Variants in JAZF1 observed in about 807,000 individuals in gnomAD.
JAZF1 encodes JAZF zinc finger 1.
In JAZF1, 8 loss-of-function variants were observed where a neutral mutation model predicts 26.4. That is an observed-to-expected ratio of 0.30 (90% confidence interval 0.18 to 0.55). JAZF1 has a LOEUF of 0.55. JAZF1 is among the 20% of genes least tolerant of loss of function. The pLI, the probability that JAZF1 is intolerant of heterozygous loss-of-function variation, is 0.94. For synonymous variants in JAZF1, 126 were observed against 122.3 expected (o/e 1.03, Z -0.20); for missense variants, 199 against 322.0 (o/e 0.62, Z 2.92).
intron 2 of JAZF1, among the ~76,000 whole-genome samples, chr7:27,913,197 T>TA (rs886896936): frequency 2.7e-5 from 4 of 150,036 alleles, no homozygotes; most frequent in East Asian, 2.0e-4. Flanking sequence ...CAGCATACAT[T>TA]AAAAAAAAAT....
At chr7:27,954,334 C>T (rs1785053676) in intron 2 of JAZF1, among the ~76,000 whole-genome samples, 1 of 152,158 alleles carries the variant, frequency 6.6e-6, no homozygotes, top group Admixed American at 6.5e-5. Flanking sequence ...AAGATGGCCC[C>T]TGGAAGCTCA....
intron 1 of JAZF1, among the ~76,000 whole-genome samples, chr7:28,155,357 C>T (rs1783166283): frequency 6.6e-6 from 1 of 152,168 alleles, no homozygotes. Context: ...ATCAGTCAAA[C>T]CAAATAATTC....
chr7:28,070,622 A>G (rs1433073967), intron 1 of JAZF1, among the ~76,000 whole-genome samples: 1 of 152,356 alleles, frequency 6.6e-6, no homozygotes, highest in East Asian at 1.9e-4. Flanking sequence ...TTTACAAATC[A>G]TCTAGCTCTT....
At chr7:28,163,000 A>T (rs1783315723) in intron 1 of JAZF1, among the ~76,000 whole-genome samples, 2 of 152,252 alleles carry the variant, frequency 1.3e-5, no homozygotes, top group South Asian at 4.1e-4. Flanking sequence ...ATGCAGAGCC[A>T]TGGATCATGT....
chr7:28,109,052 G>A (rs953017630), intron 1 of JAZF1, among the ~76,000 whole-genome samples: 2 of 152,202 alleles, frequency 1.3e-5, no homozygotes, highest in African/African-American at 4.8e-5. Context: ...GGGGCTGGGG[G>A]TGGATGGCTG....
rs554135746 is a variant in JAZF1, at chr7:28,083,543, G to A, written c.116-91562C>T. Among the ~76,000 whole-genome samples the A allele has an allele frequency of 1.5e-3, 229 of 152,164 alleles. 1 individual carries two copies. Among genetic ancestry groups the A allele is most frequent in the African/African-American group, 5.4e-3 (224 of 41,518 alleles). On this transcript the variant is annotated intron_variant, in intron 1 of 4. Transcript: ENST00000283928. ...GCTGTTTGCAAAGCTGTAAGAGCAC[G>A]ACCAACCACTTACTTCACAGGGTTG...
At chr7:28,175,129 C>T (rs890822920) in intron 1 of JAZF1, among the ~76,000 whole-genome samples, 3 of 152,154 alleles carry the variant, frequency 2.0e-5, no homozygotes, top group South Asian at 2.1e-4. Flanking sequence ...TGTTGGAAGC[C>T]GCTGGCTTTG....
At chr7:27,885,738 G>A (rs1328230253) in intron 3 of JAZF1, among the ~76,000 whole-genome samples, 1 of 151,930 alleles carries the variant, frequency 6.6e-6, no homozygotes, top group Non-Finnish European at 1.5e-5. Context: ...ATTCTGACAA[G>A]AAAATGACCC....
rs569982571 is a variant in JAZF1 at position 28,055,811 on chromosome 7, T to C, written c.116-63830A>G. On this transcript the variant is annotated intron_variant, in intron 1 of 4. Transcript: ENST00000283928. ...ACACACTGTGCTTTAATACAGATCA[T>C]TTCTATTCCTGAAAACACCAAAGCA... Among the ~76,000 whole-genome samples the C allele has an allele frequency of 3.9e-5, 6 of 152,298 alleles. No individual in the cohort carries two copies. In the East Asian group the frequency reaches 7.7e-4, roughly 20 times the overall value.
chr7:28,155,248 T>C (rs1391274549), intron 1 of JAZF1, among the ~76,000 whole-genome samples: 2 of 152,184 alleles, frequency 1.3e-5, no homozygotes, highest in Non-Finnish European at 2.9e-5. Context: ...TTTCAGGGCA[T>C]GAAAGAGACT....
At chr7:28,092,331 T>TAATGTCAAAGTAGAGGAAG (rs1362709765) in intron 1 of JAZF1, among the ~76,000 whole-genome samples, 1 of 44,314 alleles carries the variant, frequency 2.3e-5, no homozygotes, top group Non-Finnish European at 4.8e-5. Context: ...AAAAAACAAC[T>TAATGTCAAAGTAGAGGAAG]AATGTCAAAG....
chr7:28,040,608 C>T (rs1270941440), intron 1 of JAZF1, among the ~76,000 whole-genome samples: 1 of 152,076 alleles, frequency 6.6e-6, no homozygotes, highest in African/African-American at 2.4e-5. Flanking sequence ...AGGAAGGCAG[C>T]CATAGAGTCT....
chr7:27,942,088 G>A (rs1784856546), intron 2 of JAZF1, among the ~76,000 whole-genome samples: 1 of 152,230 alleles, frequency 6.6e-6, no homozygotes, highest in Non-Finnish European at 1.5e-5. Context: ...GGTAACAAAT[G>A]TAGAAACACC....
chr7:28,138,001 G>GT (rs1782910343), intron 1 of JAZF1, among the ~76,000 whole-genome samples: 1 of 152,158 alleles, frequency 6.6e-6, no homozygotes, highest in African/African-American at 2.4e-5. Context: ...GCAGAGCCAG[G>GT]ATTCAATTCC....
intron 1 of JAZF1, among the ~76,000 whole-genome samples, chr7:28,098,351 T>C (rs566003811): frequency 1.3e-5 from 2 of 152,224 alleles, no homozygotes; most frequent in South Asian, 4.1e-4. Flanking sequence ...TAAATGATTG[T>C]GTGTAAGCCA....
intron 2 of JAZF1, among the ~76,000 whole-genome samples, chr7:27,966,665 C>T (rs1216722890): frequency 6.6e-6 from 1 of 152,190 alleles, no homozygotes; most frequent in African/African-American, 2.4e-5. Flanking sequence ...GCAATCGTTA[C>T]TGGTGGCCAA....
chr7:28,011,458 C>A (rs38526), intron 1 of JAZF1, among the ~76,000 whole-genome samples: 1 of 152,274 alleles, frequency 6.6e-6, no homozygotes, highest in East Asian at 1.9e-4. Flanking sequence ...CACGCAAGGA[C>A]TTCTGAACAT....
At chr7:27,861,827 G>A (rs1005696877) in intron 3 of JAZF1, among the ~76,000 whole-genome samples, 8 of 152,190 alleles carry the variant, frequency 5.3e-5, no homozygotes, top group Non-Finnish European at 1.0e-4. Context: ...GAACCTGGAG[G>A]GGGACCACCT....
intron 2 of JAZF1, among the ~76,000 whole-genome samples, chr7:27,915,616 C>A (rs1346496544): frequency 6.6e-6 from 1 of 152,156 alleles, no homozygotes. Flanking sequence ...CAAAGTTTCA[C>A]TGATGTTCTT....
Sources: allele counts gnomAD v4.1 joint callset (sites outside exome capture counted in the v4.1 genomes callset), GRCh38; gene constraint gnomAD v4.1.1; transcripts MANE v1.5; gene names NCBI Gene and HGNC (gene_info 2026-07-23, HGNC 2026-07-21).